The following SHANK2 variants were observed in gnomAD, a reference collection of about 807,000 sequenced individuals.
The protein encoded by SHANK2 is SH3 and multiple ankyrin repeat domains protein 2.
A neutral mutation model predicts 133.7 loss-of-function variants in SHANK2; 43 were observed. The ratio of observed to expected loss-of-function variants is 0.32; its 90% CI spans 0.25 to 0.41. The LOEUF (loss-of-function observed/expected upper bound fraction) is 0.41, where lower values mean the gene tolerates loss of function less well. SHANK2 is among the 10% of genes least tolerant of loss of function. SHANK2 has a pLI of 1.00. For missense variants in SHANK2, 1,994 were observed against 2,235.8 expected, an observed-to-expected ratio of 0.89 and a Z score of 2.18; for synonymous variants, 1,017 against 952.8, an observed-to-expected ratio of 1.07 and a Z score of -1.24.
rs547078623 is a variant in SHANK2, at chr11:70,528,693, G to C, written c.2062-25762C>G. Among the ~76,000 whole-genome samples, 134 of 152,062 alleles carry C rather than the reference G, an allele frequency of 8.8e-4. 2 individuals are homozygous for C. Among genetic ancestry groups the C allele is most frequent in the African/African-American group, 3.0e-3 (124 of 41,492 alleles). ...GATTCTTTACTATGCCCTGACAAGCGGGTCAGCTCGCCGGCTCCCCAGGGG... is the reference window on the plus strand; with the variant it reads ...GATTCTTTACTATGCCCTGACAAGCCGGTCAGCTCGCCGGCTCCCCAGGGG... On this transcript the variant is annotated intron_variant, in intron 17 of 25. Coordinates refer to ENST00000601538, the MANE Select transcript of SHANK2 (RefSeq NM_012309.5).
At position 71,163,450 on chromosome 11, in the gene SHANK2, G is replaced by A. The variant is rs550511732; in HGVS notation, c.-12-16112C>T. Among the ~76,000 whole-genome samples, 10 of 152,292 alleles carry A rather than the reference G, an allele frequency of 6.6e-5. No individual in the cohort carries two copies. The South Asian group carries it at 1.9e-3, about 28-fold the overall frequency. On this transcript the variant is annotated intron_variant, in intron 2 of 25. Transcript: ENST00000601538. ...TCAGTGGGTGAGAACACGGCAGGCCGTGCTGCTGCAGGGAGGCAGAGCTGA... is the reference window on the plus strand; with the variant it reads ...TCAGTGGGTGAGAACACGGCAGGCCATGCTGCTGCAGGGAGGCAGAGCTGA...
intron 6 of SHANK2, among the ~76,000 whole-genome samples, chr11:71,101,289 G>T (rs191206855): frequency 3.3e-5 from 5 of 152,058 alleles, no homozygotes; most frequent in African/African-American, 9.7e-5. Flanking sequence ...TCCCTCTGCC[G>T]CATTTTCCTT....
At chr11:70,651,418 C>T (rs921586025) in intron 17 of SHANK2, among the ~76,000 whole-genome samples, 1 of 152,184 alleles carries the variant, frequency 6.6e-6, no homozygotes, top group Non-Finnish European at 1.5e-5. Flanking sequence ...ACGACCTCCC[C>T]AGGCCCAGAA....
chr11:70,663,667 C>T (rs1944623692), intron 15 of SHANK2, among the ~76,000 whole-genome samples: 1 of 152,158 alleles, frequency 6.6e-6, no homozygotes, highest in Admixed American at 6.5e-5. Context: ...TGGCCCCTGA[C>T]CTTCCTTACC....
chr11:70,574,022 T>G (rs1554983736), intron 17 of SHANK2, among the ~76,000 whole-genome samples: 1 of 152,064 alleles, frequency 6.6e-6, no homozygotes. Context: ...TCTCCAAACA[T>G]GGACACTTCT....
chr11:71,068,940 T>A (rs1163022134), intron 9 of SHANK2, among the ~76,000 whole-genome samples: 2 of 149,898 alleles, frequency 1.3e-5, no homozygotes, highest in Non-Finnish European at 3.0e-5. Context: ...ACCATCACCA[T>A]GGCCACCATC....
At position 70,818,713 on chromosome 11, in the gene SHANK2, G is replaced by A. The variant is rs912118991; in HGVS notation, c.1493+1651C>T. Among the ~76,000 whole-genome samples the A allele has an allele frequency of 4.6e-5, 7 of 152,346 alleles. No homozygotes were observed. In the South Asian group the frequency reaches 6.2e-4, roughly 14 times the overall value. On this transcript the variant is annotated intron_variant, in intron 12 of 25. Coordinates refer to ENST00000601538, the MANE Select transcript of SHANK2 (RefSeq NM_012309.5). ...TCCTTGTTTGGCTCTGGTGGGAAGCGTCTGTGGGCTAAAGGCCAAAGCGTT... is the reference window on the plus strand; with the variant it reads ...TCCTTGTTTGGCTCTGGTGGGAAGCATCTGTGGGCTAAAGGCCAAAGCGTT...
chr11:71,113,079 A>T (rs1555099694), intron 5 of SHANK2, among the ~76,000 whole-genome samples: 1 of 151,842 alleles, frequency 6.6e-6, no homozygotes, highest in Non-Finnish European at 1.5e-5. Context: ...CCCAGCACCC[A>T]CGGCCACACT....
chr11:70,749,226 C>G (rs949654330), intron 14 of SHANK2, among the ~76,000 whole-genome samples: 5 of 152,084 alleles, frequency 3.3e-5, no homozygotes, highest in Non-Finnish European at 7.4e-5. Flanking sequence ...AGAGGAGAGC[C>G]CTGGAGGGAG....
chr11:70,740,673 G>C lies in SHANK2; in HGVS notation c.1778-41910C>G, dbSNP rs529482992. ...TATTTTTAATCACATGATTACCCGG[G>C]GTCTTTTGTCACTTAAGCAGTTTAA... On this transcript the variant is annotated intron_variant, in intron 14 of 25. Transcript: ENST00000601538. Among the ~76,000 whole-genome samples the C allele has an allele frequency of 6.6e-5, 10 of 152,242 alleles. No individual in the cohort carries two copies. In the East Asian group the frequency reaches 1.5e-3, roughly 24 times the overall value.
intron 11 of SHANK2, among the ~76,000 whole-genome samples, chr11:70,852,391 C>T (rs1329311376): frequency 6.6e-6 from 1 of 152,198 alleles, no homozygotes; most frequent in Non-Finnish European, 1.5e-5. Flanking sequence ...CTCCACGGGG[C>T]CTGCAAAGGG....
chr11:70,551,358 T>C (rs2059766080), intron 17 of SHANK2, among the ~76,000 whole-genome samples: 1 of 140,768 alleles, frequency 7.1e-6, no homozygotes, highest in Non-Finnish European at 1.5e-5. Flanking sequence ...ACCCGGCCAG[T>C]CTGACCCTAA....
chr11:70,944,464 A>G (rs1315373305), intron 10 of SHANK2, among the ~76,000 whole-genome samples: 1 of 152,188 alleles, frequency 6.6e-6, no homozygotes, highest in African/African-American at 2.4e-5. Context: ...CCGATTCGAG[A>G]ACACGTGCAT....
Position 70,807,215 on chromosome 11 carries a change from A to G in SHANK2, c.1494-44T>C. On this transcript the variant is annotated intron_variant, in intron 12 of 25. Coordinates refer to ENST00000601538, the MANE Select transcript of SHANK2 (RefSeq NM_012309.5). The surrounding 1 kb of genome is among the most constrained non-coding windows in gnomAD (Gnocchi z 4.8). ...GCAGAGAGAGAGAGAGCAGAGTCAC[A>G]AGGTCACAAGCCACATGCCACAAAC... is the stretch of plus-strand genomic sequence containing the variant. The G allele has an allele frequency of 1.4e-6, 1 of 701,842 alleles. No individual in the cohort carries two copies. The highest frequency in any genetic ancestry group is 2.6e-6 in the Non-Finnish European group (1 of 381,922). 43.5% of individuals were successfully genotyped at this position (701,842 alleles called of 1,614,324 possible).
chr11:71,186,744 A>AT (rs559849406), intron 2 of SHANK2, among the ~76,000 whole-genome samples: 67 of 152,218 alleles, frequency 4.4e-4, no homozygotes, highest in Non-Finnish European at 8.2e-4. Context: ...GTGGCACATT[A>AT]TTTCTGTGAA....
At chr11:70,596,814 G>A (rs1318341901) in intron 17 of SHANK2, among the ~76,000 whole-genome samples, 1 of 152,188 alleles carries the variant, frequency 6.6e-6, no homozygotes, top group Non-Finnish European at 1.5e-5. Context: ...CCAGTGTGAG[G>A]AATCATCGAG....
At position 71,092,303 on chromosome 11, in the gene SHANK2, C is replaced by T. The variant is rs782078960; in HGVS notation, c.912+119G>A. 310 of 1,099,876 alleles carry T rather than the reference C, an allele frequency of 2.8e-4. 3 individuals are homozygous for T. Among genetic ancestry groups the T allele is most frequent in the Admixed American group, 6.1e-5 (3 of 48,948 alleles). The allele number at this position is 1,099,876 out of a possible 1,614,324, so 68.1% of individuals were successfully genotyped here. On this transcript the variant is annotated intron_variant, in intron 8 of 25. Coordinates refer to ENST00000601538, the MANE Select transcript of SHANK2 (RefSeq NM_012309.5). ...ATATTTTCAGGAACTCTGGGCAGGC[C>T]AAACAAAATACCTGAAGGCAGGATC...
intron 14 of SHANK2, among the ~76,000 whole-genome samples, chr11:70,721,201 G>T (rs1555029072): frequency 6.6e-6 from 1 of 152,228 alleles, no homozygotes; most frequent in Non-Finnish European, 1.5e-5. Flanking sequence ...CCCGAAAGAG[G>T]CAAGCAGCTC....
chr11:70,616,858 G>A (rs1189445857), intron 17 of SHANK2, among the ~76,000 whole-genome samples: 1 of 152,210 alleles, frequency 6.6e-6, no homozygotes, highest in African/African-American at 2.4e-5. Flanking sequence ...GGGCCGCTGA[G>A]GAAGAGGAGA....
Sources: allele counts gnomAD v4.1 joint callset (sites outside exome capture counted in the v4.1 genomes callset), GRCh38; gene constraint gnomAD v4.1.1; non-coding constraint Gnocchi (gnomAD v3.1); transcripts MANE v1.5; gene names NCBI Gene and HGNC (gene_info 2026-07-23, HGNC 2026-07-21).